Variants in FAM151B observed in about 807,000 individuals in gnomAD.
FAM151B encodes the protein family with sequence similarity 151 member B.
FAM151B carries 24 observed loss-of-function variants against 31.2 expected under a neutral mutation model. The ratio of observed to expected loss-of-function variants is 0.77; its 90% CI spans 0.56 to 1.08. FAM151B has a LOEUF of 1.08. Among genes scored for constraint, FAM151B ranks in the 50% least tolerant of loss-of-function variants. The pLI is 0.00. For missense variants in FAM151B, 293 were observed against 328.6 expected, an observed-to-expected ratio of 0.89 and a Z score of 0.84; for synonymous variants, 105 against 111.4, an observed-to-expected ratio of 0.94 and a Z score of 0.36.
intron 2 of FAM151B, among the ~76,000 whole-genome samples, chr5:80,509,509 A>C (rs1013776336): frequency 3.9e-5 from 6 of 152,182 alleles, no homozygotes; most frequent in Non-Finnish European, 8.8e-5. Flanking sequence ...ATGTCTGTTT[A>C]TTATAAATTA....
Position 80,541,977 on chromosome 5 carries a change from G to A in FAM151B, c.*145G>A, listed in dbSNP as rs1745920740. ...AACGTTTATTGTATGCTTACTCTGT[G>A]GGCATATGTCCTTATAATAGTGCAC... On this transcript the variant is annotated 3_prime_UTR_variant, in exon 6 of 6. Transcript: ENST00000282226. 3.7e-6 allele frequency: 3 copies of A among 817,002 alleles called. No individual in the cohort carries two copies. The highest frequency in any genetic ancestry group is 1.9e-5 in the South Asian group (1 of 53,098). 50.6% of individuals were successfully genotyped at this position (817,002 alleles called of 1,614,324 possible). A position where few individuals can be genotyped will look rare whatever the true frequency, so the allele number is the denominator to read the frequency against.
intron 3 of FAM151B, 61 bp downstream of exon 3, chr5:80,513,830 A>G (rs1215075871): frequency 8.5e-6 from 12 of 1,418,914 alleles, no homozygotes; most frequent in Non-Finnish European, 1.1e-5. Flanking sequence ...CTGACTACCT[A>G]TTTTTTTTAA....
intron 5 of FAM151B, among the ~76,000 whole-genome samples, chr5:80,531,416 C>T (rs1745239036): frequency 6.6e-6 from 1 of 152,128 alleles, no homozygotes; most frequent in Non-Finnish European, 1.5e-5. Context: ...AGCTTCTGCA[C>T]AGCAAAAGAA....
chr5:80,529,097 T>C (rs1337440307), intron 5 of FAM151B, among the ~76,000 whole-genome samples: 1 of 152,092 alleles, frequency 6.6e-6, no homozygotes. Context: ...TCAAAACCGC[T>C]CAACTACATG....
chr5:80,523,512 CA>C (rs1744810125), intron 5 of FAM151B, among the ~76,000 whole-genome samples: 1 of 152,006 alleles, frequency 6.6e-6, no homozygotes, highest in Non-Finnish European at 1.5e-5. Flanking sequence ...AGCACAGAGA[CA>C]TAGGTACAAG....
At chr5:80,516,197 GCCTGTAAT>G (rs1184283263) in intron 3 of FAM151B, among the ~76,000 whole-genome samples, 1 of 152,104 alleles carries the variant, frequency 6.6e-6, no homozygotes, top group Admixed American at 6.6e-5. Context: ...GGTGGCACAT[GCCTGTAAT>G]CCCAGCTATT....
At chr5:80,491,774 G>A (rs75844765) in intron 1 of FAM151B, among the ~76,000 whole-genome samples, 9,145 of 152,136 alleles carry the variant, frequency 0.06, 520 homozygotes, top group African/African-American at 0.15. Context: ...TGCCCTCCAG[G>A]TTTCTTCGTT....
At chr5:80,513,530 T>G in intron 2 of FAM151B, 74 bp from the exon 3 acceptor site, 1 of 1,382,640 alleles carries the variant, frequency 7.2e-7, no homozygotes, top group South Asian at 1.4e-5. Flanking sequence ...CTCAAAAGGA[T>G]ACTGAACATG....
At position 80,522,192 on chromosome 5, in the gene FAM151B, G is replaced by C. The variant is rs542935382; in HGVS notation, c.671+54G>C. On this transcript the variant is annotated intron_variant, in intron 5 of 5. Coordinates refer to ENST00000282226, the MANE Select transcript of FAM151B (RefSeq NM_205548.3). ...TGAGTGTGTATGAGAGACAGAGATA[G>C]AAAGGGCATGAAAATTGATTATTTA... is the stretch of plus-strand genomic sequence containing the variant. The C allele has an allele frequency of 4.6e-6, 7 of 1,520,048 alleles. No homozygotes were observed. In the African/African-American group the frequency reaches 8.1e-5, roughly 18 times the overall value. 94.2% of individuals were successfully genotyped at this position (1,520,048 alleles called of 1,614,324 possible).
chr5:80,518,599 A>G (rs1744567717), intron 3 of FAM151B, among the ~76,000 whole-genome samples: 1 of 152,188 alleles, frequency 6.6e-6, no homozygotes, highest in Admixed American at 6.5e-5. Context: ...TCCCCAATTC[A>G]GGGGCAGAAG....
At chr5:80,540,651 T>C (rs1200665611) in intron 5 of FAM151B, among the ~76,000 whole-genome samples, 1 of 152,204 alleles carries the variant, frequency 6.6e-6, no homozygotes, top group Non-Finnish European at 1.5e-5. Context: ...TTTTTCACCA[T>C]GGTGCCCAGA....
chr5:80,533,040 A>C (rs547824846), intron 5 of FAM151B, among the ~76,000 whole-genome samples: 1 of 152,312 alleles, frequency 6.6e-6, no homozygotes, highest in South Asian at 2.1e-4. Context: ...GCCTACATCG[A>C]AAATTTTTAA....
chr5:80,496,032 G>T (rs986153950), intron 1 of FAM151B, among the ~76,000 whole-genome samples: 2 of 152,162 alleles, frequency 1.3e-5, no homozygotes, highest in Non-Finnish European at 2.9e-5. Context: ...TTGTTGAAAT[G>T]ACCACAGATG....
At chr5:80,494,460 C>T (rs141019246) in intron 1 of FAM151B, among the ~76,000 whole-genome samples, 74 of 70,966 alleles carry the variant, frequency 1.0e-3, no homozygotes, top group African/African-American at 3.0e-3. Flanking sequence ...TCTTTCTTTT[C>T]TTTCTTTCTT....
intron 2 of FAM151B, among the ~76,000 whole-genome samples, chr5:80,511,537 A>G (rs540588020): frequency 6.6e-6 from 1 of 151,168 alleles, no homozygotes; most frequent in East Asian, 1.9e-4. Context: ...ATTACCTGTC[A>G]TCTATCCCAC....
rs998030112 is a variant in FAM151B at position 80,526,215 on chromosome 5, A to G, written c.671+4077A>G. Among the ~76,000 whole-genome samples, 3 of 152,212 alleles carry G rather than the reference A, an allele frequency of 2.0e-5. No homozygotes were observed. The East Asian group carries it at 5.8e-4, about 29-fold the overall frequency. ...TTGGTTGAAAAAAATCAGTGTATCA[A>G]TGGACTCACTCAGTTCTAACCTGTG... On this transcript the variant is annotated intron_variant, in intron 5 of 5. Transcript: ENST00000282226.
At chr5:80,520,061 C>G in intron 4 of FAM151B, 151 bp downstream of exon 4, 1 of 656,276 alleles carries the variant, frequency 1.5e-6, no homozygotes, top group Non-Finnish European at 2.6e-6. Flanking sequence ...GCAGACCCTT[C>G]CATCTGCTCT....
intron 1 of FAM151B, among the ~76,000 whole-genome samples, chr5:80,493,452 C>T (rs542693410): frequency 1.1e-4 from 16 of 152,116 alleles, no homozygotes; most frequent in African/African-American, 3.9e-4. Context: ...GGAAGATAAC[C>T]ATAAGGTTTG....
chr5:80,523,828 G>T (rs757894363), intron 5 of FAM151B, among the ~76,000 whole-genome samples: 7 of 152,134 alleles, frequency 4.6e-5, no homozygotes, highest in Non-Finnish European at 7.4e-5. Flanking sequence ...CTAGCATTAT[G>T]CTTAAAGAGA....
Sources: gnomAD v4.1 joint callset for allele counts (sites outside exome capture counted in the v4.1 genomes callset) on GRCh38, gnomAD v4.1.1 for gene constraint, MANE v1.5 for transcripts, NCBI Gene and HGNC (gene_info 2026-07-23, HGNC 2026-07-21) for gene names.